Variants in SLC2A14 observed in about 807,000 individuals in gnomAD.
SLC2A14 encodes solute carrier family 2 member 14, also known as solute carrier family 2, facilitated glucose transporter member 14.
Under a neutral mutation model 43.0 loss-of-function variants are expected in SLC2A14, and 13 were observed. The observed-to-expected ratio is 0.30, with a 90% CI of 0.20 to 0.48. The LOEUF is 0.48. Among genes scored for constraint, SLC2A14 ranks in the 20% least tolerant of loss-of-function variants. The probability of loss-of-function intolerance (pLI) is 0.99; values close to 1 mark genes in which losing one functional copy is unlikely to be tolerated. For missense variants in SLC2A14, 428 were observed against 620.4 expected (o/e 0.69, Z 3.29); for synonymous variants, 190 against 233.8 (o/e 0.81, Z 1.71).
At chr12:7,821,791 TGCCACCGC>T (rs1863929700) in intron 7 of SLC2A14, among the ~76,000 whole-genome samples, 1 of 151,450 alleles carries the variant, frequency 6.6e-6, no homozygotes, top group Admixed American at 6.6e-5. Flanking sequence ...TACAGGCTCC[TGCCACCGC>T]GCCCAGCTAA....
At chr12:7,861,160 G>A (rs1944533394) in intron 2 of SLC2A14, among the ~76,000 whole-genome samples, 1 of 152,114 alleles carries the variant, frequency 6.6e-6, no homozygotes, top group African/African-American at 2.4e-5. Context: ...GAACCAAAGA[G>A]AGAGGGGAGA....
chr12:7,821,073 C>G (rs776389830), intron 8 of SLC2A14, 148 bp downstream of exon 8: 1 of 538,048 alleles, frequency 1.9e-6, no homozygotes, highest in Non-Finnish European at 3.1e-6. Context: ...GGCAACAGAG[C>G]AAGACTCTGT....
At chr12:7,817,705 G>T (rs987118808) in intron 10 of SLC2A14, 126 bp downstream of exon 10, 3 of 1,158,036 alleles carry the variant, frequency 2.6e-6, no homozygotes. Context: ...CTGAGATCGG[G>T]CAACTGCACA....
intron 7 of SLC2A14, among the ~76,000 whole-genome samples, chr12:7,826,871 TTCTTTCTTTCTTTC>T (rs1864441843): frequency 2.1e-5 from 1 of 47,996 alleles, no homozygotes; most frequent in Non-Finnish European, 4.0e-5. Context: ...TTTTCTTTCT[TTCTTTCTTTCTTTC>T]TTTCTTTCTT....
chr12:7,852,378 A>G (rs1002989526), intron 2 of SLC2A14, among the ~76,000 whole-genome samples: 3 of 152,176 alleles, frequency 2.0e-5, no homozygotes, highest in African/African-American at 7.2e-5. Flanking sequence ...AAGTGGAAAA[A>G]AGCAGTGCTT....
intron 10 of SLC2A14, among the ~76,000 whole-genome samples, chr12:7,814,829 T>C (rs761199569): frequency 6.6e-6 from 1 of 151,964 alleles, no homozygotes; most frequent in Non-Finnish European, 1.5e-5. Context: ...AGATGGAGTC[T>C]CACTCTGTCA....
At chr12:7,828,904 C>A (rs776823316) in intron 5 of SLC2A14, 38 bp from the exon 6 acceptor site, 47 of 1,597,998 alleles carry the variant, frequency 2.9e-5, no homozygotes, top group Non-Finnish European at 3.8e-5. Context: ...AAACCCCATA[C>A]TTCACAGGCC....
At chr12:7,843,118 T>C (rs1866125997) in intron 2 of SLC2A14, among the ~76,000 whole-genome samples, 1 of 152,032 alleles carries the variant, frequency 6.6e-6, no homozygotes, top group African/African-American at 2.4e-5. Context: ...TGCTTTGAGT[T>C]ACCCCCTCAT....
chr12:7,814,329 G>A lies in SLC2A14; in HGVS notation c.1481C>T (p.Thr494Ile). ...AGGAGGCATGACTTAGACATTGGTG[G>A]TGGTCTCCTTAGCAGGCTCGATGCT... Reference protein sequence around the residue: ...MNSIEPAKETTTNV With the variant: ...MNSIEPAKETITNV The change falls in exon 11 of 11, where the codon ACC becomes ATC. Residue 494 changes from threonine (T) to isoleucine (I), a missense_variant. Thr to Ile is a moderately conservative substitution (Grantham distance 89). Coordinates refer to ENST00000431042, the MANE Select transcript of SLC2A14 (RefSeq NM_001286234.2). The A allele has an allele frequency of 6.2e-7, 1 of 1,605,086 alleles. No homozygotes were observed. Among genetic ancestry groups the A allele is most frequent in the South Asian group, 1.1e-5 (1 of 90,260 alleles).
upstream of SLC2A14, among the ~76,000 whole-genome samples, chr12:7,877,244 C>T (rs1227236864): frequency 2.0e-5 from 3 of 151,966 alleles, no homozygotes; most frequent in East Asian, 3.9e-4. Flanking sequence ...GTGATCCACC[C>T]GCCTCGGCCT....
chr12:7,845,778 C>CAA (rs35933580), intron 2 of SLC2A14, among the ~76,000 whole-genome samples: 158 of 104,018 alleles, frequency 1.5e-3, no homozygotes, highest in South Asian at 5.3e-3. Context: ...GACTCCATCT[C>CAA]AAAAAAAAAA....
intron 8 of SLC2A14, 91 bp downstream of exon 8, chr12:7,821,130 C>T: frequency 1.0e-6 from 1 of 957,240 alleles, no homozygotes; most frequent in Non-Finnish European, 1.6e-6. Flanking sequence ...AAAGGTGTAA[C>T]TAAATAACGG....
At chr12:7,851,995 AAGT>A (rs1289243679) in intron 2 of SLC2A14, among the ~76,000 whole-genome samples, 2 of 152,176 alleles carry the variant, frequency 1.3e-5, no homozygotes, top group South Asian at 2.1e-4. Flanking sequence ...TCTCACTAAT[AAGT>A]AGCTAGTCAA....
At chr12:7,877,291 T>C (rs1183945097), upstream of SLC2A14, among the ~76,000 whole-genome samples, 1 of 149,854 alleles carries the variant, frequency 6.7e-6, no homozygotes, top group African/African-American at 2.5e-5. Context: ...AGCCACCATG[T>C]CTGGCCAAAG....
chr12:7,885,583 G>A (rs561237957), intron 1 of SLC2A14, among the ~76,000 whole-genome samples: 5 of 149,984 alleles, frequency 3.3e-5, no homozygotes, highest in East Asian at 1.9e-4. Flanking sequence ...GCCAAGCACC[G>A]TAGTCTGAGC....
chr12:7,847,134 C>T (rs113896058), intron 2 of SLC2A14, among the ~76,000 whole-genome samples: 1 of 151,766 alleles, frequency 6.6e-6, no homozygotes, highest in Non-Finnish European at 1.5e-5. Context: ...TGCCTGTAAT[C>T]CCAGCTACTC....
chr12:7,880,254 C>T (rs1301170881), intron 1 of SLC2A14, among the ~76,000 whole-genome samples: 1 of 151,958 alleles, frequency 6.6e-6, no homozygotes, highest in Non-Finnish European at 1.5e-5. Context: ...GAGCCGAGAT[C>T]GCGCCATTGC....
At chr12:7,839,372 T>C (rs1002613477) in intron 2 of SLC2A14, among the ~76,000 whole-genome samples, 83 of 151,622 alleles carry the variant, frequency 5.5e-4, no homozygotes, top group Admixed American at 2.0e-4. Context: ...GGACTCGTGC[T>C]TGGCAGGGTG....
intron 2 of SLC2A14, chr12:7,860,775 A>G (rs1032693974): frequency 2.0e-5 from 3 of 148,842 alleles, no homozygotes; most frequent in Non-Finnish European, 4.4e-5. Flanking sequence ...GCTGCTCCCC[A>G]CTGCACTTAC....
Sources: gnomAD v4.1 joint callset for allele counts (sites outside exome capture counted in the v4.1 genomes callset) on GRCh38, gnomAD v4.1.1 for gene constraint, MANE v1.5 for transcripts, NCBI Gene and HGNC (gene_info 2026-07-23, HGNC 2026-07-21) for gene names.